Variants in NUBPL observed in about 807,000 individuals in gnomAD.
The protein encoded by NUBPL is NUBP iron-sulfur cluster assembly factor, mitochondrial.
NUBPL carries 31 observed loss-of-function variants against 45.7 expected under a neutral mutation model. That is an observed-to-expected ratio of 0.68 (90% CI 0.51 to 0.92). The LOEUF (loss-of-function observed/expected upper bound fraction) is 0.92. Ranked by LOEUF, NUBPL falls within the 40% of genes least tolerant of loss-of-function variation. NUBPL has a pLI of 0.00. For synonymous variants in NUBPL, 144 were observed against 140.9 expected (o/e 1.02, Z -0.15); for missense variants, 401 against 398.7 (o/e 1.01, Z -0.05).
chr14:31,859,437 AC>A lies in NUBPL; in HGVS notation c.*261del, dbSNP rs2040677607. ...GAACTGCATTTTATTTTATTGAATTACCCCTTTAGAAATCACGAGTTTATGA... is the reference window on the plus strand; with the variant it reads ...GAACTGCATTTTATTTTATTGAATTACCCTTTAGAAATCACGAGTTTATGA... On this transcript the variant is annotated 3_prime_UTR_variant, in exon 11 of 11. Transcript: ENST00000281081. 4.1e-6 allele frequency: 2 copies of A among 483,010 alleles called. No individual in the cohort carries two copies. The highest frequency in any genetic ancestry group is 2.1e-5 in the South Asian group (1 of 46,974). The allele number at this position is 483,010 out of a possible 1,614,324, so 29.9% of individuals were successfully genotyped here.
chr14:31,808,414 C>T (rs2039733293), intron 7 of NUBPL, among the ~76,000 whole-genome samples: 2 of 152,162 alleles, frequency 1.3e-5, no homozygotes, highest in Admixed American at 1.3e-4. Flanking sequence ...CACGATTTGG[C>T]TCTCTGTCTG....
intron 4 of NUBPL, among the ~76,000 whole-genome samples, chr14:31,618,459 A>G (rs1262650200): frequency 6.6e-6 from 1 of 152,120 alleles, no homozygotes; most frequent in Non-Finnish European, 1.5e-5. Context: ...TGTCCCAGAG[A>G]TTCTGGTATG....
chr14:31,853,072 G>T (rs530066036), intron 10 of NUBPL, among the ~76,000 whole-genome samples: 1 of 57,022 alleles, frequency 1.8e-5, no homozygotes, highest in African/African-American at 2.7e-4. Context: ...ATACTGTTGT[G>T]TTGTGTTGTG....
chr14:31,649,705 C>A (rs191011096), intron 4 of NUBPL, among the ~76,000 whole-genome samples: 11 of 152,282 alleles, frequency 7.2e-5, no homozygotes, highest in Admixed American at 5.9e-4. Context: ...TATGCACATG[C>A]TGTTGAGACT....
intron 6 of NUBPL, among the ~76,000 whole-genome samples, chr14:31,710,530 CT>C (rs370428784): frequency 1.3e-5 from 2 of 152,160 alleles, no homozygotes; most frequent in African/African-American, 4.8e-5. Context: ...CTTTCCTGTC[CT>C]CCTAGACCAC....
chr14:31,819,927 TC>T (rs1373031355), intron 7 of NUBPL, among the ~76,000 whole-genome samples: 1 of 151,966 alleles, frequency 6.6e-6, no homozygotes, highest in Non-Finnish European at 1.5e-5. Context: ...GATCACGAGG[TC>T]AGGAGATCGA....
At chr14:31,782,739 T>C (rs1225523102) in intron 6 of NUBPL, among the ~76,000 whole-genome samples, 2 of 151,970 alleles carry the variant, frequency 1.3e-5, no homozygotes, top group African/African-American at 4.8e-5. Context: ...TGAGCCAAGA[T>C]TGTGCCACTG....
intron 3 of NUBPL, among the ~76,000 whole-genome samples, chr14:31,596,590 G>A (rs1209158336): frequency 6.6e-6 from 1 of 152,134 alleles, no homozygotes; most frequent in Non-Finnish European, 1.5e-5. Context: ...AGTTACCATA[G>A]AGATCATATG....
In NUBPL at chr14:31,673,395, G is replaced by A; in HGVS notation, c.422+1G>A. On this transcript the variant is annotated splice_donor_variant, in intron 5 of 10. Transcript: ENST00000281081. LOFTEE classifies it high-confidence loss of function. The stretch of plus-strand genomic sequence containing the variant: ...CTCTCTTGAATTATGGTATTGCTTG[G>A]TGAGCATATATATATTTTTAATGTT... The A allele has an allele frequency of 1.2e-6, 2 of 1,608,132 alleles. No individual in the cohort carries two copies. The highest frequency in any genetic ancestry group is 1.7e-6 in the Non-Finnish European group (2 of 1,176,248).
At chr14:31,634,992 C>T (rs1199366390) in intron 4 of NUBPL, among the ~76,000 whole-genome samples, 1 of 150,464 alleles carries the variant, frequency 6.6e-6, no homozygotes, top group Non-Finnish European at 1.5e-5. Context: ...GATATTAGCC[C>T]TCTGTCAGAT....
chr14:31,690,118 T>C (rs2037059353), intron 6 of NUBPL, among the ~76,000 whole-genome samples: 1 of 151,542 alleles, frequency 6.6e-6, no homozygotes, highest in South Asian at 2.1e-4. Context: ...AGAGGACACT[T>C]ATTAGTAAGG....
chr14:31,725,043 T>G (rs2037890557), intron 6 of NUBPL, among the ~76,000 whole-genome samples: 2 of 151,820 alleles, frequency 1.3e-5, no homozygotes, highest in South Asian at 4.2e-4. Flanking sequence ...TAGTAAAGAT[T>G]TTGAACTTTA....
At chr14:31,763,872 T>A (rs547337619) in intron 6 of NUBPL, among the ~76,000 whole-genome samples, 1 of 152,308 alleles carries the variant, frequency 6.6e-6, no homozygotes, top group East Asian at 1.9e-4. Context: ...CAATTTATAA[T>A]CTAATTAACA....
intron 2 of NUBPL, chr14:31,563,035 G>A (rs1192178428): frequency 6.6e-6 from 1 of 152,516 alleles, no homozygotes; most frequent in Non-Finnish European, 1.5e-5. Flanking sequence ...CTATTTGATA[G>A]ATACCATATT....
chr14:31,760,177 G>GAGAC (rs1566547079), intron 6 of NUBPL, among the ~76,000 whole-genome samples: 3 of 146,922 alleles, frequency 2.0e-5, no homozygotes, highest in African/African-American at 7.7e-5. Context: ...GAGAGAGAGA[G>GAGAC]AGAGACAGGG....
At chr14:31,684,147 G>A (rs1431041468) in intron 6 of NUBPL, among the ~76,000 whole-genome samples, 2 of 152,144 alleles carry the variant, frequency 1.3e-5, no homozygotes, top group African/African-American at 4.8e-5. Context: ...TAATAGCTGT[G>A]TGACCTTGGG....
chr14:31,756,798 TC>T (rs1012446544), intron 6 of NUBPL, among the ~76,000 whole-genome samples: 1 of 152,038 alleles, frequency 6.6e-6, no homozygotes, highest in African/African-American at 2.4e-5. Flanking sequence ...AGGGAAAGCT[TC>T]CAGTTTTTGC....
intron 2 of NUBPL, among the ~76,000 whole-genome samples, chr14:31,563,955 A>C (rs1290125527): frequency 6.6e-6 from 1 of 152,258 alleles, no homozygotes; most frequent in Non-Finnish European, 1.5e-5. Context: ...TTCATTTTAT[A>C]GAAGAGAAAA....
At chr14:31,657,488 G>T (rs542713437) in intron 4 of NUBPL, among the ~76,000 whole-genome samples, 7 of 152,202 alleles carry the variant, frequency 4.6e-5, no homozygotes, top group Non-Finnish European at 1.0e-4. Context: ...CGAAGCCAGT[G>T]TCTTGTCTTT....
Sources: allele counts gnomAD v4.1 joint callset (sites outside exome capture counted in the v4.1 genomes callset), GRCh38; gene constraint gnomAD v4.1.1; transcripts MANE v1.5; gene names NCBI Gene and HGNC (gene_info 2026-07-23, HGNC 2026-07-21).